The following TTC21B variants were observed in gnomAD, a reference collection of about 807,000 sequenced individuals.
TTC21B encodes tetratricopeptide repeat domain 21B.
In TTC21B, 127 loss-of-function variants were observed where a neutral mutation model predicts 175.1. That is an observed-to-expected ratio of 0.73 (90% CI 0.63 to 0.84). The LOEUF is 0.84. TTC21B is among the 40% of genes least tolerant of loss of function. The pLI is 0.00. For synonymous variants in TTC21B, 524 were observed against 524.5 expected (o/e 1.00, Z 0.01); for missense variants, 1,561 against 1,558.3 (o/e 1.00, Z -0.03).
In TTC21B at chr2:165,941,034, C is replaced by G. The variant is rs150742619; in HGVS notation, c.703G>C (p.Ala235Pro). ...CATCTTTTATTACTTAACCTTTGTG[C>G]TGTCTCAACTGTCTGGTCCCAATCC... ...LQDWDQTVET[A>P]QRLLLQDSQN... Residue 235 changes from alanine to proline, a missense_variant, in exon 6 of 29, where the codon GCA (alanine) becomes CCA (proline). Physicochemically the swap from Ala to Pro is conservative, Grantham distance 27 (BLOSUM62 -1). Coordinates refer to ENST00000243344, the MANE Select transcript of TTC21B (RefSeq NM_024753.5). 6.2e-6 allele frequency: 10 copies of G among 1,613,670 alleles called. No homozygotes were observed. The African/African-American group carries it at 1.3e-4, about 22-fold the overall frequency.
At chr2:165,899,427 C>G (rs1201572711) in intron 21 of TTC21B, among the ~76,000 whole-genome samples, 1 of 152,132 alleles carries the variant, frequency 6.6e-6, no homozygotes, top group Non-Finnish European at 1.5e-5. Flanking sequence ...CACCCAAACT[C>G]TTAAATTTGT....
At chr2:165,936,316 T>C (rs1198198118) in intron 6 of TTC21B, among the ~76,000 whole-genome samples, 4 of 151,978 alleles carry the variant, frequency 2.6e-5, no homozygotes, top group African/African-American at 9.7e-5. Context: ...TAATCTGAAA[T>C]AGATCACAGA....
chr2:165,916,709 T>C (rs1686187908), intron 14 of TTC21B, among the ~76,000 whole-genome samples: 1 of 152,178 alleles, frequency 6.6e-6, no homozygotes, highest in Non-Finnish European at 1.5e-5. Flanking sequence ...TTGTACATCA[T>C]GTTATTATGT....
At chr2:165,883,383 G>T (rs1684897474) in intron 26 of TTC21B, among the ~76,000 whole-genome samples, 1 of 152,098 alleles carries the variant, frequency 6.6e-6, no homozygotes, top group Admixed American at 6.6e-5. Context: ...ATGCATAATA[G>T]ATTCTAATAA....
intron 24 of TTC21B, among the ~76,000 whole-genome samples, chr2:165,888,692 A>G (rs1045116867): frequency 1.3e-5 from 2 of 152,206 alleles, no homozygotes; most frequent in African/African-American, 4.8e-5. Flanking sequence ...ATATGGACTC[A>G]ATAAAACACC....
In TTC21B at chr2:165,912,525, T is replaced by C; in HGVS notation, c.2311A>G (p.Asn771Asp). The change falls in exon 17 of 29, where the codon AAC becomes GAC. Residue 771 changes from asparagine to aspartate, a missense_variant. Asn to Asp is a conservative substitution (Grantham distance 23). Transcript: ENST00000243344. ...KMGKALIKTH[N>D]YSMAITYYEA... ...AATAAAGTACTTACCATTGAGTAGT[T>C]ATGAGTTTTGATAAGTGCTTTGCCC... The C allele has an allele frequency of 9.3e-6, 15 of 1,612,946 alleles. No individual in the cohort carries two copies. The highest frequency in any genetic ancestry group is 1.2e-5 in the Non-Finnish European group (14 of 1,178,936).
intron 3 of TTC21B, chr2:165,947,674 A>T (rs1379399005): frequency 6.6e-6 from 1 of 152,156 alleles, no homozygotes; most frequent in Non-Finnish European, 1.5e-5. Context: ...GTCTGCACAA[A>T]GTTGTTGAAA....
intron 7 of TTC21B, among the ~76,000 whole-genome samples, 153 bp from the exon 8 acceptor site, chr2:165,932,009 T>A (rs187212913): frequency 6.6e-5 from 10 of 152,316 alleles, no homozygotes; most frequent in African/African-American, 2.4e-4. Context: ...GATTATATGT[T>A]ATAAAACATA....
At chr2:165,876,132 A>T in intron 28 of TTC21B, 33 bp downstream of exon 28, 1 of 1,385,024 alleles carries the variant, frequency 7.2e-7, no homozygotes, top group Admixed American at 1.7e-5. Flanking sequence ...GTGCATCTGA[A>T]AAATTTTAAG....
At chr2:165,949,263 C>A (rs1018120619) in intron 3 of TTC21B, 131 bp downstream of exon 3, 22 of 725,846 alleles carry the variant, frequency 3.0e-5, no homozygotes, top group Non-Finnish European at 5.1e-5. Context: ...GGAAGATAAA[C>A]ATATGTATAA....
At chr2:165,935,523 T>A (rs773107653) in intron 6 of TTC21B, among the ~76,000 whole-genome samples, 17 of 152,132 alleles carry the variant, frequency 1.1e-4, no homozygotes, top group Non-Finnish European at 2.2e-4. Context: ...AAGAAATACA[T>A]AGATGTTTAC....
In TTC21B at chr2:165,953,572, G is replaced by C. The variant is rs1348663637; in HGVS notation, c.21+113C>G. On this transcript the variant is annotated intron_variant, in intron 1 of 28. Transcript: ENST00000243344. The stretch of plus-strand genomic sequence containing the variant: ...ACCCGAGCAGCCGGGGCACCGCAGG[G>C]AAACAGCGGCCTAGCGAAGCCACCC... The C allele has an allele frequency of 1.3e-5, 19 of 1,506,118 alleles. No individual in the cohort carries two copies. The Middle Eastern group carries it at 7.0e-4, about 55-fold the overall frequency. 93.3% of individuals were successfully genotyped at this position (1,506,118 alleles called of 1,614,324 possible). A position where few individuals can be genotyped will look rare whatever the true frequency, so the allele number is the denominator to read the frequency against.
At chr2:165,934,619 A>G (rs2105351023) in intron 6 of TTC21B, 1 of 150,656 alleles carries the variant, frequency 6.6e-6, no homozygotes, top group East Asian at 2.0e-4. Flanking sequence ...AAAAAAAAGC[A>G]TATTTAGAAC....
In TTC21B at chr2:165,897,951, TG is replaced by T. The variant is rs565641283; in HGVS notation, c.2950+734del. Among the ~76,000 whole-genome samples the T allele has an allele frequency of 8.0e-3, 1,212 of 152,236 alleles. 11 individuals are homozygous for T. Among genetic ancestry groups the T allele is most frequent in the African/African-American group, 0.027 (1,108 of 41,546 alleles). ...GAGAACTGAATCTGACCTGGCAGTA[TG>T]GGGGTCACCGACCACATTGCAGAAG... On this transcript the variant is annotated intron_variant, in intron 22 of 28. Coordinates refer to ENST00000243344, the MANE Select transcript of TTC21B (RefSeq NM_024753.5).
At chr2:165,925,201 T>TAAAACA (rs1686582919) in intron 11 of TTC21B, among the ~76,000 whole-genome samples, 1 of 152,176 alleles carries the variant, frequency 6.6e-6, no homozygotes, top group Non-Finnish European at 1.5e-5. Context: ...AAACTAAATG[T>TAAAACA]CTCATACCTT....
intron 12 of TTC21B, among the ~76,000 whole-genome samples, chr2:165,921,152 C>G (rs769661090): frequency 6.6e-6 from 1 of 152,174 alleles, no homozygotes; most frequent in Non-Finnish European, 1.5e-5. Context: ...TGGGGGCTAG[C>G]TGTGCCAGAA....
Position 165,917,627 on chromosome 2 carries a change from C to T in TTC21B, c.1675-146G>A, listed in dbSNP as rs1686226413. The T allele has an allele frequency of 1.5e-5, 11 of 724,000 alleles. No individual in the cohort carries two copies. The Middle Eastern group carries it at 1.9e-3, about 125-fold the overall frequency. The allele number at this position is 724,000 out of a possible 1,614,324, so 44.8% of individuals were successfully genotyped here. Reference sequence around the variant, plus strand: ...AGGTCTATCTCTGCCCTCTTATTAACCCTCTGATTATGTATCACATTAAAT... The same window carrying T: ...AGGTCTATCTCTGCCCTCTTATTAATCCTCTGATTATGTATCACATTAAAT... On this transcript the variant is annotated intron_variant, in intron 13 of 28. Coordinates refer to ENST00000243344, the MANE Select transcript of TTC21B (RefSeq NM_024753.5).
At chr2:165,912,719 A>T in intron 16 of TTC21B, 95 bp from the exon 17 acceptor site, 2 of 908,524 alleles carry the variant, frequency 2.2e-6, no homozygotes, top group Non-Finnish European at 3.7e-6. Flanking sequence ...CTACATTTGT[A>T]ATATTACATA....
intron 6 of TTC21B, chr2:165,933,852 G>A (rs1378448755): frequency 6.6e-6 from 1 of 152,108 alleles, no homozygotes; most frequent in Non-Finnish European, 1.5e-5. Flanking sequence ...AATTTTAGAG[G>A]CACTGCATAC....
Sources: gnomAD v4.1 joint callset for allele counts (sites outside exome capture counted in the v4.1 genomes callset) on GRCh38, gnomAD v4.1.1 for gene constraint, MANE v1.5 for transcripts, NCBI Gene and HGNC (gene_info 2026-07-23, HGNC 2026-07-21) for gene names.